The following COL14A1 variants were observed in gnomAD, a reference collection of about 807,000 sequenced individuals.
COL14A1 encodes collagen type XIV alpha 1 chain.
In COL14A1, 136 loss-of-function variants were observed where a neutral mutation model predicts 230.3. That is an observed-to-expected ratio of 0.59 (90% CI 0.51 to 0.68). The LOEUF (loss-of-function observed/expected upper bound fraction) is 0.68, where lower values mean the gene tolerates loss of function less well. COL14A1 is among the 30% of genes least tolerant of loss of function. COL14A1 has a pLI of 0.00. For missense variants in COL14A1, 1,976 were observed against 2,215.8 expected, an observed-to-expected ratio of 0.89 and a Z score of 2.17; for synonymous variants, 792 against 784.1, an observed-to-expected ratio of 1.01 and a Z score of -0.17.
Position 120,309,937 on chromosome 8 carries a change from A to G in COL14A1, c.4402-72A>G, listed in dbSNP as rs1019882506. ...AAATAATAATGAGTTAATTCATACT[A>G]TTAAGGAAAATGAATGAAATACACT... On this transcript the variant is annotated intron_variant, in intron 36 of 47. Coordinates refer to ENST00000297848, the MANE Select transcript of COL14A1 (RefSeq NM_021110.4). 17 of 1,419,584 alleles carry G rather than the reference A, an allele frequency of 1.2e-5. 1 individual carries two copies. In the South Asian group the frequency reaches 1.5e-4, roughly 13 times the overall value. 87.9% of individuals were successfully genotyped at this position (1,419,584 alleles called of 1,614,324 possible). A position where few individuals can be genotyped will look rare whatever the true frequency, so the allele number is the denominator to read the frequency against.
chr8:120,355,757 A>G (rs1181536805), intron 45 of COL14A1, among the ~76,000 whole-genome samples: 1 of 152,070 alleles, frequency 6.6e-6, no homozygotes, highest in African/African-American at 2.4e-5. Flanking sequence ...TAGTTTCCAT[A>G]ATCCTCCCGA....
intron 4 of COL14A1, among the ~76,000 whole-genome samples, chr8:120,166,641 G>A (rs1173119639): frequency 2.0e-5 from 3 of 152,176 alleles, no homozygotes; most frequent in African/African-American, 7.2e-5. Context: ...CAGCCCATGT[G>A]TGGGTGGGGT....
chr8:120,256,483 A>G (rs1168352786), intron 23 of COL14A1, among the ~76,000 whole-genome samples: 2 of 152,196 alleles, frequency 1.3e-5, no homozygotes, highest in Admixed American at 1.3e-4. Flanking sequence ...CAGCCAAGAT[A>G]TCATCATGAT....
chr8:120,332,555 G>A, intron 41 of COL14A1, 109 bp from the exon 42 acceptor site: 1 of 887,162 alleles, frequency 1.1e-6, no homozygotes, highest in Non-Finnish European at 1.8e-6. Flanking sequence ...GTGATGAGGG[G>A]GAGGGAAGCT....
intron 33 of COL14A1, among the ~76,000 whole-genome samples, 182 bp downstream of exon 33, chr8:120,286,152 C>T (rs1820194487): frequency 6.6e-6 from 1 of 150,670 alleles, no homozygotes; most frequent in Non-Finnish European, 1.5e-5. Context: ...AGAGAGGACC[C>T]TGAAATGTGC....
chr8:120,226,601 A>T (rs895997598), intron 15 of COL14A1, 26 bp from the exon 16 acceptor site: 2 of 1,610,970 alleles, frequency 1.2e-6, no homozygotes, highest in African/African-American at 2.7e-5. Flanking sequence ...CATTTCCCTA[A>T]CAAAACCTCC....
chr8:120,232,353 T>C (rs1352049319), intron 19 of COL14A1, among the ~76,000 whole-genome samples: 1 of 152,134 alleles, frequency 6.6e-6, no homozygotes, highest in African/African-American at 2.4e-5. Context: ...TGGACCATGG[T>C]AGTTTGCTGC....
rs75492697 is a variant in COL14A1, at chr8:120,167,333, T to A, written c.350-828T>A. On this transcript the variant is annotated intron_variant, in intron 4 of 47. Coordinates refer to ENST00000297848, the MANE Select transcript of COL14A1 (RefSeq NM_021110.4). ...CCTATGTAGCTTACCCTTTAATACA[T>A]TTGCTGATTTCCATGAAATGAATGT... Among the ~76,000 whole-genome samples, 727 of 136,790 alleles carry A rather than the reference T, an allele frequency of 5.3e-3. 6 individuals are homozygous for A. Among genetic ancestry groups the A allele is most frequent in the African/African-American group, 0.017 (680 of 40,110 alleles). 89.7% of individuals were successfully genotyped at this position (136,790 alleles called of 152,430 possible). A position where few individuals can be genotyped will look rare whatever the true frequency, so the allele number is the denominator to read the frequency against.
chr8:120,313,851 A>G, intron 37 of COL14A1, 81 bp from the exon 38 acceptor site: 1 of 843,930 alleles, frequency 1.2e-6, no homozygotes, highest in Non-Finnish European at 1.9e-6. Context: ...AACAAATTAT[A>G]ATTGTCCTAA....
intron 37 of COL14A1, among the ~76,000 whole-genome samples, chr8:120,313,400 C>T (rs1184047545): frequency 6.6e-6 from 1 of 151,942 alleles, no homozygotes; most frequent in African/African-American, 2.4e-5. Context: ...TAATACTAAG[C>T]CGAGGGAAGG....
chr8:120,126,635 G>C (rs971917091), intron 1 of COL14A1, among the ~76,000 whole-genome samples: 11 of 152,188 alleles, frequency 7.2e-5, no homozygotes, highest in Admixed American at 2.0e-4. Flanking sequence ...CTGAGGGACA[G>C]GGAGGGCACT....
chr8:120,284,035 A>G (rs1002341620), intron 32 of COL14A1, among the ~76,000 whole-genome samples: 4 of 152,192 alleles, frequency 2.6e-5, no homozygotes, highest in Non-Finnish European at 4.4e-5. Flanking sequence ...GAGAAAAACA[A>G]TTTTTACTGG....
At chr8:120,146,486 A>G (rs1196547943) in intron 1 of COL14A1, among the ~76,000 whole-genome samples, 7 of 152,130 alleles carry the variant, frequency 4.6e-5, no homozygotes, top group Non-Finnish European at 8.8e-5. Context: ...ACAGGACCAG[A>G]TACATTTTCT....
At chr8:120,264,700 A>G (rs535705909) in intron 24 of COL14A1, among the ~76,000 whole-genome samples, 42 of 152,274 alleles carry the variant, frequency 2.8e-4, no homozygotes, top group African/African-American at 9.9e-4. Context: ...TTGAAAAGTC[A>G]GAATATCTTG....
At chr8:120,357,005 T>A (rs1376202955) in intron 45 of COL14A1, among the ~76,000 whole-genome samples, 1 of 152,010 alleles carries the variant, frequency 6.6e-6, no homozygotes, top group Non-Finnish European at 1.5e-5. Flanking sequence ...TGATTTTTTT[T>A]ATTACAAAGC....
chr8:120,226,910 A>G (rs1311469826), intron 16 of COL14A1, 144 bp downstream of exon 16: 1 of 734,524 alleles, frequency 1.4e-6, no homozygotes, highest in Non-Finnish European at 2.1e-6. Flanking sequence ...AGAAATGTCA[A>G]ATCATAAGAT....
chr8:120,222,248 G>T (rs1817954862), intron 14 of COL14A1, among the ~76,000 whole-genome samples: 1 of 152,200 alleles, frequency 6.6e-6, no homozygotes, highest in Admixed American at 6.5e-5. Flanking sequence ...TTTGCAGGCT[G>T]CAGCAAACAA....
intron 5 of COL14A1, among the ~76,000 whole-genome samples, chr8:120,185,952 T>C (rs183671322): frequency 1.6e-4 from 24 of 152,220 alleles, no homozygotes; most frequent in African/African-American, 5.3e-4. Context: ...TTTTGTATTT[T>C]TAGTAGAAAT....
chr8:120,325,751 C>T (rs991133855), intron 40 of COL14A1, among the ~76,000 whole-genome samples: 1 of 152,148 alleles, frequency 6.6e-6, no homozygotes, highest in Non-Finnish European at 1.5e-5. Context: ...CCTTGGCCTC[C>T]CAAAGTGCTA....
Sources: gnomAD v4.1 joint callset for allele counts (sites outside exome capture counted in the v4.1 genomes callset) on GRCh38, gnomAD v4.1.1 for gene constraint, MANE v1.5 for transcripts, NCBI Gene and HGNC (gene_info 2026-07-23, HGNC 2026-07-21) for gene names.